FXR2: variants seen among roughly 807,000 people sequenced by gnomAD.
FXR2 encodes the protein RNA-binding protein FXR2.
In FXR2, 9 loss-of-function variants were observed where a neutral mutation model predicts 87.3. The observed-to-expected ratio is 0.10, with a 90% CI of 0.06 to 0.18. The LOEUF (loss-of-function observed/expected upper bound fraction) is 0.18. Among genes scored for constraint, FXR2 ranks in the 10% least tolerant of loss-of-function variants. The pLI is 1.00. For synonymous variants in FXR2, 331 were observed against 328.3 expected (o/e 1.01, Z -0.09); for missense variants, 661 against 893.6 (o/e 0.74, Z 3.32).
At chr17:7,602,291 C>T (rs1242086719) in intron 6 of FXR2, among the ~76,000 whole-genome samples, 1 of 151,986 alleles carries the variant, frequency 6.6e-6, no homozygotes, top group Admixed American at 6.6e-5. Context: ...GCATGTCGGG[C>T]GCGGTGGCTC....
chr17:7,610,559 T>C (rs2071855323), intron 1 of FXR2, among the ~76,000 whole-genome samples: 1 of 152,156 alleles, frequency 6.6e-6, no homozygotes. Flanking sequence ...ACCCTTATAT[T>C]TCCAGGGTCT....
intron 7 of FXR2, among the ~76,000 whole-genome samples, chr17:7,599,226 G>C (rs556764492): frequency 7.2e-5 from 11 of 151,814 alleles, no homozygotes; most frequent in South Asian, 2.1e-4. Flanking sequence ...TTGAGCTCGG[G>C]GGGTAGAGAC....
intron 1 of FXR2, among the ~76,000 whole-genome samples, chr17:7,612,400 G>A (rs2071874285): frequency 6.6e-6 from 1 of 152,164 alleles, no homozygotes; most frequent in Non-Finnish European, 1.5e-5. Flanking sequence ...AAAGCAGAAA[G>A]GAATTAGAGA....
Position 7,591,992 on chromosome 17 carries a change from A to T in FXR2, c.1927-67T>A. On this transcript the variant is annotated intron_variant, in intron 16 of 16. Coordinates refer to ENST00000250113, the MANE Select transcript of FXR2 (RefSeq NM_004860.4). The surrounding 1 kb of genome is among the most constrained non-coding windows in gnomAD (Gnocchi z 4.0). ...GTGAGTAGAAATTCAGGTGGGAGAC[A>T]TTCCCTACCATCCAAGCCCTCCTGG... is the stretch of plus-strand genomic sequence containing the variant. 1 of 1,196,096 alleles carries T rather than the reference A, an allele frequency of 8.4e-7. No homozygotes were observed. Among genetic ancestry groups the T allele is most frequent in the African/African-American group, 1.5e-5 (1 of 66,574 alleles). 74.1% of individuals were successfully genotyped at this position (1,196,096 alleles called of 1,614,324 possible).
intron 2 of FXR2, 87 bp from the exon 3 acceptor site, chr17:7,605,825 C>T (rs1171958687): frequency 8.9e-6 from 7 of 790,920 alleles, no homozygotes; most frequent in Admixed American, 8.2e-5. Flanking sequence ...CTCAGCTGGG[C>T]GAGTTCCACC....
intron 7 of FXR2, 177 bp from the exon 8 acceptor site, chr17:7,596,171 T>C (rs1177632482): frequency 1.8e-6 from 1 of 568,498 alleles, no homozygotes; most frequent in Non-Finnish European, 3.1e-6. Context: ...TTTTGTTTTT[T>C]CTTTGAGATG....
intron 1 of FXR2, among the ~76,000 whole-genome samples, chr17:7,609,941 CATGTATATGTATACATAT>C (rs1567753773): frequency 1.1e-3 from 153 of 139,432 alleles, no homozygotes; most frequent in Admixed American, 1.5e-3. Context: ...TATATATATA[CATGTATATGTATACATAT>C]ATATACATGT....
intron 3 of FXR2, 73 bp downstream of exon 3, chr17:7,605,572 T>G: frequency 1.2e-6 from 1 of 805,082 alleles, no homozygotes; most frequent in Non-Finnish European, 2.1e-6. Flanking sequence ...GGAAGGAACA[T>G]GAACCAACCA....
At position 7,595,974 on chromosome 17, in the gene FXR2, T is replaced by G. The variant is rs1339628675; in HGVS notation, c.681A>C (p.Ala227=). 1 of 1,613,412 alleles carries G rather than the reference T, an allele frequency of 6.2e-7. No individual in the cohort carries two copies. Among genetic ancestry groups the G allele is most frequent in the East Asian group, 2.2e-5 (1 of 44,856 alleles). ...GCACTGTGAACTCCTCTTGGAAGGC[T>G]GCTGCCAACTGCTTGCTTGTCTGAA... ...KHLETSKQLA[A]AFQEEFTVRE... Residue 227 remains alanine (A), a synonymous_variant, in exon 8 of 17, where the codon GCA becomes GCC. Transcript: ENST00000250113. The surrounding 1 kb of genome is among the most constrained non-coding windows in gnomAD (Gnocchi z 4.7).
intron 6 of FXR2, among the ~76,000 whole-genome samples, chr17:7,602,208 C>T (rs148014001): frequency 4.0e-5 from 6 of 150,960 alleles, no homozygotes; most frequent in South Asian, 2.1e-4. Flanking sequence ...CGGATCACGA[C>T]GTCAGGAGTT....
At chr17:7,605,555 T>G (rs1489961833) in intron 3 of FXR2, 90 bp downstream of exon 3, 3 of 702,818 alleles carry the variant, frequency 4.3e-6, no homozygotes, top group African/African-American at 1.8e-5. Context: ...TATGGCTTAG[T>G]TGGGGAGGAA....
intron 7 of FXR2, among the ~76,000 whole-genome samples, chr17:7,599,694 T>G (rs991128504): frequency 1.3e-5 from 2 of 151,840 alleles, no homozygotes; most frequent in Admixed American, 1.3e-4. Context: ...CTGGCCAACA[T>G]GGTGAAACCC....
chr17:7,607,836 C>T (rs577370356), intron 1 of FXR2, among the ~76,000 whole-genome samples: 2 of 152,036 alleles, frequency 1.3e-5, no homozygotes, highest in Admixed American at 6.6e-5. Context: ...GCTCTTGTTG[C>T]CCACGCTGGA....
At chr17:7,609,625 T>C (rs940237343) in intron 1 of FXR2, among the ~76,000 whole-genome samples, 3 of 152,096 alleles carry the variant, frequency 2.0e-5, no homozygotes, top group African/African-American at 2.4e-5. Flanking sequence ...CAACTCCTAC[T>C]GTTCTCCATT....
At position 7,603,008 on chromosome 17, in the gene FXR2, G is replaced by A; in HGVS notation, c.450-6C>T. On this transcript the variant is annotated splice_polypyrimidine_tract_variant and splice_region_variant and intron_variant, in intron 5 of 16. Coordinates refer to ENST00000250113, the MANE Select transcript of FXR2 (RefSeq NM_004860.4). The stretch of plus-strand genomic sequence containing the variant: ...GGACGTTTTCATTGGAGCAGCTGCA[G>A]AGGAAAAAAGTACTCAGCGGGCAGA... 1.3e-6 allele frequency: 2 copies of A among 1,481,536 alleles called. No individual in the cohort carries two copies. Among genetic ancestry groups the A allele is most frequent in the Admixed American group, 1.7e-5 (1 of 57,340 alleles). The allele number at this position is 1,481,536 out of a possible 1,614,324, so 91.8% of individuals were successfully genotyped here. A position where few individuals can be genotyped will look rare whatever the true frequency, so the allele number is the denominator to read the frequency against.
In FXR2 at chr17:7,592,554, C is replaced by T. The variant is rs376204328; in HGVS notation, c.1775G>A (p.Arg592His). 8 of 1,610,712 alleles carry T rather than the reference C, an allele frequency of 5.0e-6. No individual in the cohort carries two copies. Among genetic ancestry groups the T allele is most frequent in the South Asian group, 1.1e-5 (1 of 91,018 alleles). The change falls in exon 15 of 17, where the codon CGT becomes CAT. Residue 592 changes from arginine (R) to histidine (H), a missense_variant. Coordinates refer to ENST00000250113, the MANE Select transcript of FXR2 (RefSeq NM_004860.4). This position sits in a 1 kb window ranked among gnomAD's most constrained non-coding sequence, Gnocchi z 4.8. The stretch of plus-strand genomic sequence containing the variant: ...GCCATCAGTCCGATTACCACGGTTA[C>T]GGCGGCGGCGGCTGCGATTACGACG... ...PQRRNRSRRR[R>H]NRGNRTDGSI... is the part of the protein sequence containing the mutation.
Position 7,610,049 on chromosome 17 carries a change from C to T in FXR2, c.82-3900G>A, listed in dbSNP as rs11655275. Among the ~76,000 whole-genome samples, 215 of 35,666 alleles carry T rather than the reference C, an allele frequency of 6.0e-3. 7 individuals carry two copies. In the East Asian group the frequency reaches 0.086, roughly 14 times the overall value. 23.4% of individuals were successfully genotyped at this position (35,666 alleles called of 152,430 possible). A position where few individuals can be genotyped will look rare whatever the true frequency, so the allele number is the denominator to read the frequency against. On this transcript the variant is annotated intron_variant, in intron 1 of 16. Transcript: ENST00000250113. ...ATGTATACATGTATGTATATATATA[C>T]ACACACACACACACACATATATATA...
intron 6 of FXR2, 141 bp downstream of exon 6, chr17:7,602,768 G>C: frequency 1.7e-6 from 1 of 578,092 alleles, no homozygotes; most frequent in Non-Finnish European, 3.1e-6. Context: ...ACCTGGGCCT[G>C]TAGGAGTCAG....
chr17:7,614,125 C>T (rs2071908541), intron 1 of FXR2: 1 of 570,274 alleles, frequency 1.8e-6, no homozygotes, highest in Non-Finnish European at 3.3e-6. Context: ...TGTCTTCCAC[C>T]AGACAACGGA....
Sources: gnomAD v4.1 joint callset for allele counts (sites outside exome capture counted in the v4.1 genomes callset) on GRCh38, gnomAD v4.1.1 for gene constraint, Gnocchi (gnomAD v3.1) non-coding constraint, MANE v1.5 for transcripts, NCBI Gene and HGNC (gene_info 2026-07-23, HGNC 2026-07-21) for gene names.